Variants in COL4A1 observed in about 807,000 individuals in gnomAD.
COL4A1 encodes the protein collagen alpha-1(IV) chain.
In COL4A1, 40 loss-of-function variants were observed where a neutral mutation model predicts 216.6. The observed-to-expected ratio is 0.18, with a 90% CI of 0.14 to 0.24. The LOEUF (loss-of-function observed/expected upper bound fraction) is 0.24. COL4A1 is among the 10% of genes least tolerant of loss of function. The pLI, the probability that COL4A1 is intolerant of heterozygous loss-of-function variation, is 1.00. For missense variants in COL4A1, 1,628 were observed against 2,196.8 expected (o/e 0.74, Z 5.18); for synonymous variants, 839 against 810.7 (o/e 1.03, Z -0.59).
At chr13:110,266,701 G>C (rs1883050475) in intron 1 of COL4A1, among the ~76,000 whole-genome samples, 1 of 152,150 alleles carries the variant, frequency 6.6e-6, no homozygotes, top group African/African-American at 2.4e-5. Context: ...TCATGCTTAC[G>C]TAAAAGAAAA....
intron 49 of COL4A1, among the ~76,000 whole-genome samples, chr13:110,157,289 C>T (rs1876830105): frequency 6.6e-6 from 1 of 152,224 alleles, no homozygotes; most frequent in African/African-American, 2.4e-5. Context: ...GTCTTGTCTG[C>T]AGAAAGCTAG....
chr13:110,245,458 T>C (rs538542569), intron 1 of COL4A1, among the ~76,000 whole-genome samples: 2 of 152,368 alleles, frequency 1.3e-5, no homozygotes, highest in South Asian at 4.1e-4. Flanking sequence ...AGCAGTCATC[T>C]GGGCTTAGCT....
chr13:110,288,324 C>T (rs1284639464), intron 1 of COL4A1, among the ~76,000 whole-genome samples: 1 of 151,636 alleles, frequency 6.6e-6, no homozygotes, highest in Non-Finnish European at 1.5e-5. Context: ...CCTTGAATCG[C>T]TGCTACTATG....
rs947687976 is a variant in COL4A1, at chr13:110,211,748, A to G, written c.442-75T>C. 22 of 1,435,570 alleles carry G rather than the reference A, an allele frequency of 1.5e-5. No individual in the cohort carries two copies. The highest frequency in any genetic ancestry group is 2.1e-5 in the Non-Finnish European group (22 of 1,050,328). 88.9% of individuals were successfully genotyped at this position (1,435,570 alleles called of 1,614,324 possible). ...AGCATTAAAATTGTTATCATGTAAT[A>G]TTATATATAAAATATAAGTTATTAA... On this transcript the variant is annotated intron_variant, in intron 7 of 51. Coordinates refer to ENST00000375820, the MANE Select transcript of COL4A1 (RefSeq NM_001845.6). The surrounding 1 kb of genome is among the most constrained non-coding windows in gnomAD (Gnocchi z 4.3).
At chr13:110,156,222 T>C (rs1184307477) in intron 49 of COL4A1, among the ~76,000 whole-genome samples, 1 of 152,218 alleles carries the variant, frequency 6.6e-6, no homozygotes, top group Non-Finnish European at 1.5e-5. Context: ...TTTGAGTGTT[T>C]TCCAATCTTT....
chr13:110,251,667 T>A (rs1257247382), intron 1 of COL4A1, among the ~76,000 whole-genome samples: 1 of 152,076 alleles, frequency 6.6e-6, no homozygotes, highest in Non-Finnish European at 1.5e-5. Flanking sequence ...TTGCGAAAAG[T>A]CAGGGCTGTT....
intron 2 of COL4A1, among the ~76,000 whole-genome samples, chr13:110,235,477 C>T (rs963097775): frequency 2.6e-5 from 4 of 151,872 alleles, no homozygotes; most frequent in East Asian, 1.9e-4. Flanking sequence ...GGTGAAACCC[C>T]GTCTCTACTA....
intron 1 of COL4A1, among the ~76,000 whole-genome samples, chr13:110,278,251 T>C (rs1032132847): frequency 6.6e-6 from 1 of 152,244 alleles, no homozygotes; most frequent in African/African-American, 2.4e-5. Context: ...TCCTTTCCAA[T>C]GCTATTTTGC....
intron 45 of COL4A1, 74 bp from the exon 46 acceptor site, chr13:110,165,064 T>A (rs1427641683): frequency 1.3e-6 from 2 of 1,527,820 alleles, no homozygotes; most frequent in Non-Finnish European, 1.8e-6. Context: ...AGAAGGAGAA[T>A]CCCGGGTGAA....
chr13:110,205,324 T>C, intron 17 of COL4A1, 29 bp downstream of exon 17: 1 of 1,613,664 alleles, frequency 6.2e-7, no homozygotes, highest in Non-Finnish European at 8.5e-7. Flanking sequence ...AAAGTGAAGA[T>C]AAAGGCTCAC....
intron 1 of COL4A1, among the ~76,000 whole-genome samples, chr13:110,249,861 A>T (rs1016608706): frequency 3.9e-5 from 6 of 152,194 alleles, no homozygotes; most frequent in African/African-American, 1.4e-4. Context: ...TTTGCATAAC[A>T]TTTTTCAACT....
chr13:110,250,241 G>C (rs571548183), intron 1 of COL4A1, among the ~76,000 whole-genome samples: 1 of 151,406 alleles, frequency 6.6e-6, no homozygotes, highest in Admixed American at 6.6e-5. Flanking sequence ...GAGAAACAGT[G>C]AATTTCTAAT....
intron 24 of COL4A1, chr13:110,191,331 T>C (rs537400117): frequency 2.3e-5 from 5 of 220,182 alleles, no homozygotes; most frequent in Non-Finnish European, 4.4e-5. Context: ...TGAATAATTC[T>C]GAAATTTGAC....
chr13:110,277,320 T>C (rs911129120), intron 1 of COL4A1, among the ~76,000 whole-genome samples: 5 of 152,264 alleles, frequency 3.3e-5, no homozygotes, highest in African/African-American at 1.2e-4. Context: ...AACTGGCTGC[T>C]GACATGTTCT....
chr13:110,203,528 A>G, intron 18 of COL4A1, 38 bp downstream of exon 18: 4 of 1,609,152 alleles, frequency 2.5e-6, no homozygotes, highest in Non-Finnish European at 3.4e-6. Flanking sequence ...TTCCTCCCCC[A>G]GCGCTCTCAC....
At position 110,150,398 on chromosome 13, in the gene COL4A1, C is replaced by G. The variant is rs752575604; in HGVS notation, c.4975G>C (p.Val1659Leu). Residue 1659 changes from valine (V) to leucine (L), a missense_variant, in exon 52 of 52, where the codon GTC (valine) becomes CTC (leucine). This residue lies in a region of COL4A1 where 254 missense variants were observed against 300.1 expected (regional missense o/e 0.85). Coordinates refer to ENST00000375820, the MANE Select transcript of COL4A1 (RefSeq NM_001845.6). ...TLKAGELRTH[V>L]SRCQVCMRRT ...CTCATACAGACTTGGCAGCGGCTGA[C>G]GTGCGTGCGCAGCTCCCCTGCCTTC... is the stretch of plus-strand genomic sequence containing the variant. The G allele has an allele frequency of 2.5e-6, 4 of 1,613,876 alleles. No individual in the cohort carries two copies. The African/African-American group carries it at 4.0e-5, about 16-fold the overall frequency.
chr13:110,202,738 C>T (rs1021723189), intron 18 of COL4A1, among the ~76,000 whole-genome samples: 1 of 152,142 alleles, frequency 6.6e-6, no homozygotes, highest in Non-Finnish European at 1.5e-5. Flanking sequence ...AAGATATGTG[C>T]AAACATGATA....
rs764059421 is a variant in COL4A1 at position 110,179,338 on chromosome 13, G to T, written c.2277C>A (p.Ser759Arg). ...GIPGTPGEKG[S>R]IGVPGVPGEH... ...CTCCAGGAACGCCTGGTACCCCAATGCTCCCCTTCTCCCCGGGTGTGCCAG... is the reference window on the plus strand; with the variant it reads ...CTCCAGGAACGCCTGGTACCCCAATTCTCCCCTTCTCCCCGGGTGTGCCAG... The change falls in exon 30 of 52, where the codon AGC (serine) becomes AGA (arginine). Residue 759 changes from serine (S) to arginine (R), a missense_variant. Ser to Arg is a moderately radical substitution (Grantham distance 110). Transcript: ENST00000375820. 1.5e-5 allele frequency: 24 copies of T among 1,613,978 alleles called. No individual in the cohort carries two copies. Among genetic ancestry groups the T allele is most frequent in the Admixed American group, 3.3e-5 (2 of 59,990 alleles).
intron 1 of COL4A1, among the ~76,000 whole-genome samples, chr13:110,273,161 G>A (rs1288441545): frequency 6.6e-6 from 1 of 152,200 alleles, no homozygotes; most frequent in Admixed American, 6.5e-5. Context: ...GGCATTATGG[G>A]CCTGGCAAAT....
Sources: allele counts gnomAD v4.1 joint callset (sites outside exome capture counted in the v4.1 genomes callset), GRCh38; gene constraint gnomAD v4.1.1; regional missense constraint gnomAD v4.1.1; non-coding constraint Gnocchi (gnomAD v3.1); transcripts MANE v1.5; gene names NCBI Gene and HGNC (gene_info 2026-07-23, HGNC 2026-07-21).